MCTP1: variants seen among roughly 807,000 people sequenced by gnomAD.
MCTP1 encodes the protein multiple C2 and transmembrane domain containing 1, also known as multiple C2 and transmembrane domain-containing protein 1.
In MCTP1, 69 loss-of-function variants were observed where a neutral mutation model predicts 120.6. The ratio of observed to expected loss-of-function variants is 0.57; its 90% CI spans 0.47 to 0.70. MCTP1 has a LOEUF of 0.70. Among genes scored for constraint, MCTP1 ranks in the 30% least tolerant of loss-of-function variants. MCTP1 has a pLI of 0.00. For missense variants in MCTP1, 1,203 were observed against 1,248.8 expected (o/e 0.96, Z 0.55); for synonymous variants, 529 against 493.1 (o/e 1.07, Z -0.96).
intron 1 of MCTP1, among the ~76,000 whole-genome samples, chr5:95,257,858 G>T (rs1758059162): frequency 4.4e-5 from 5 of 114,404 alleles, no homozygotes; most frequent in Admixed American, 1.9e-4. Flanking sequence ...AGGGGCACTG[G>T]GTCGAAATGA....
chr5:95,160,383 T>C (rs758903866), intron 1 of MCTP1, among the ~76,000 whole-genome samples: 13 of 152,226 alleles, frequency 8.5e-5, no homozygotes, highest in Non-Finnish European at 1.9e-4. Flanking sequence ...ATTTGAGGAC[T>C]CACTATATTA....
chr5:94,814,536 A>T (rs1378267229), intron 17 of MCTP1, among the ~76,000 whole-genome samples: 3 of 152,204 alleles, frequency 2.0e-5, no homozygotes, highest in African/African-American at 7.2e-5. Context: ...GAGGCAGGTG[A>T]TGGAAAGTGG....
At chr5:94,918,008 A>C in intron 7 of MCTP1, 35 bp from the exon 8 acceptor site, 1 of 1,553,884 alleles carries the variant, frequency 6.4e-7, no homozygotes, top group Non-Finnish European at 8.9e-7. Flanking sequence ...CTGTACGGGG[A>C]AGCTTTGTAC....
intron 1 of MCTP1, among the ~76,000 whole-genome samples, chr5:95,107,477 C>A (rs1757158666): frequency 6.6e-6 from 1 of 152,142 alleles, no homozygotes; most frequent in Admixed American, 6.5e-5. Flanking sequence ...TTTTTTAAAG[C>A]AGATCATACT....
intron 1 of MCTP1, among the ~76,000 whole-genome samples, chr5:95,155,302 T>C (rs1744990836): frequency 6.6e-6 from 1 of 152,198 alleles, no homozygotes; most frequent in African/African-American, 2.4e-5. Context: ...GCAGGAAACA[T>C]CAAGTATACA....
chr5:95,143,892 A>C (rs1335515140), intron 1 of MCTP1, among the ~76,000 whole-genome samples: 1 of 152,122 alleles, frequency 6.6e-6, no homozygotes, highest in African/African-American at 2.4e-5. Flanking sequence ...TTTATGTAGA[A>C]AATTTATTTT....
chr5:95,102,855 T>A (rs190964246), intron 1 of MCTP1, among the ~76,000 whole-genome samples: 1 of 152,174 alleles, frequency 6.6e-6, no homozygotes, highest in Non-Finnish European at 1.5e-5. Flanking sequence ...TGTGCACTTA[T>A]TAACAAACTG....
At chr5:94,763,213 T>C (rs1366098521) in intron 19 of MCTP1, among the ~76,000 whole-genome samples, 1 of 152,244 alleles carries the variant, frequency 6.6e-6, no homozygotes, top group Non-Finnish European at 1.5e-5. Context: ...CTGTGTCCAG[T>C]TGCCAAAGTT....
At chr5:95,115,188 T>C (rs990812046) in intron 1 of MCTP1, among the ~76,000 whole-genome samples, 2 of 152,090 alleles carry the variant, frequency 1.3e-5, no homozygotes, top group Admixed American at 6.5e-5. Flanking sequence ...GTGAAGACTA[T>C]AGTAAATACT....
At chr5:95,135,444 G>C (rs1282931599) in intron 1 of MCTP1, among the ~76,000 whole-genome samples, 1 of 152,222 alleles carries the variant, frequency 6.6e-6, no homozygotes, top group African/African-American at 2.4e-5. Flanking sequence ...GTGTCAACTT[G>C]ATTGGACTGA....
chr5:94,920,839 C>G (rs1811481812), intron 7 of MCTP1, among the ~76,000 whole-genome samples: 1 of 152,020 alleles, frequency 6.6e-6, no homozygotes, highest in African/African-American at 2.4e-5. Context: ...TTCAGACACA[C>G]TTTTGCTTGA....
intron 2 of MCTP1, among the ~76,000 whole-genome samples, chr5:94,999,288 AC>A (rs1197288306): frequency 2.0e-5 from 3 of 152,198 alleles, no homozygotes; most frequent in African/African-American, 7.2e-5. Flanking sequence ...AAGCTAATTA[AC>A]GTCAGGTAAA....
chr5:95,027,348 G>A (rs1839447476), intron 1 of MCTP1, among the ~76,000 whole-genome samples: 1 of 152,186 alleles, frequency 6.6e-6, no homozygotes, highest in Admixed American at 6.5e-5. Flanking sequence ...TAAACTAAGG[G>A]CAGACAGTGA....
chr5:95,035,737 T>C (rs889061222), intron 1 of MCTP1, among the ~76,000 whole-genome samples: 10 of 152,084 alleles, frequency 6.6e-5, no homozygotes, highest in African/African-American at 2.2e-4. Flanking sequence ...AATATATATA[T>C]ACTTGTGAAA....
chr5:94,973,929 A>G (rs1328914939), intron 2 of MCTP1, among the ~76,000 whole-genome samples: 1 of 152,102 alleles, frequency 6.6e-6, no homozygotes, highest in African/African-American at 2.4e-5. Flanking sequence ...GAAGATGCAC[A>G]TAGATAGAAA....
chr5:95,159,783 A>G (rs1436917418), intron 1 of MCTP1, among the ~76,000 whole-genome samples: 1 of 152,120 alleles, frequency 6.6e-6, no homozygotes, highest in African/African-American at 2.4e-5. Context: ...AGTACTATGA[A>G]TAAAACAGAA....
intron 17 of MCTP1, among the ~76,000 whole-genome samples, chr5:94,842,753 A>G (rs1371402875): frequency 6.6e-6 from 1 of 152,240 alleles, no homozygotes; most frequent in Non-Finnish European, 1.5e-5. Flanking sequence ...AAGTGGTTTT[A>G]GCAACCTGCT....
At chr5:94,987,111 C>A (rs542189144) in intron 2 of MCTP1, among the ~76,000 whole-genome samples, 1 of 152,078 alleles carries the variant, frequency 6.6e-6, no homozygotes, top group South Asian at 2.1e-4. Context: ...ATATTTTCAA[C>A]CCCCAGTTGG....
chr5:95,129,307 A>G (rs1454279552), intron 1 of MCTP1, among the ~76,000 whole-genome samples: 1 of 152,218 alleles, frequency 6.6e-6, no homozygotes, highest in African/African-American at 2.4e-5. Context: ...TGCACGGGAT[A>G]AATGTAACTC....
Sources: allele counts gnomAD v4.1 joint callset (sites outside exome capture counted in the v4.1 genomes callset), GRCh38; gene constraint gnomAD v4.1.1; transcripts MANE v1.5; gene names NCBI Gene and HGNC (gene_info 2026-07-23, HGNC 2026-07-21).